The following ADGRA2 variants were observed in gnomAD, a reference collection of about 807,000 sequenced individuals.
ADGRA2 encodes the protein adhesion G protein-coupled receptor A2, also known as G-protein coupled receptor 124.
Under a neutral mutation model 98.7 loss-of-function variants are expected in ADGRA2, and 61 were observed. That is an observed-to-expected ratio of 0.62 (90% CI 0.50 to 0.76). The LOEUF is 0.76. Among genes scored for constraint, ADGRA2 ranks in the 30% least tolerant of loss-of-function variants. The pLI is 0.00. For synonymous variants in ADGRA2, 858 were observed against 831.5 expected (o/e 1.03, Z -0.55); for missense variants, 1,712 against 1,860.0 (o/e 0.92, Z 1.46).
Position 37,843,679 on chromosome 8 carries a change from A to C in ADGRA2, c.*1324A>C, listed in dbSNP as rs1212634740. ...GACAGAGGACACAGGGGAGGGGGAA[A>C]ACCCACACACACTCCTTGGAATGGG... On this transcript the variant is annotated 3_prime_UTR_variant, in exon 19 of 19. Coordinates refer to ENST00000412232, the MANE Select transcript of ADGRA2 (RefSeq NM_032777.10). 6.6e-6 allele frequency: 1 copy of C among 152,436 alleles called. No individual in the cohort carries two copies. Among genetic ancestry groups the C allele is most frequent in the Non-Finnish European group, 1.5e-5 (1 of 68,036 alleles). The allele number at this position is 152,436 out of a possible 1,614,324, so 9.4% of individuals were successfully genotyped here.
At position 37,837,751 on chromosome 8, in the gene ADGRA2, C is replaced by G; in HGVS notation, c.2071C>G (p.Leu691Val). Residue 691 changes from leucine to valine, a missense_variant, in exon 14 of 19, where the codon CTG (leucine) becomes GTG (valine). By Grantham distance (32) the Leu-to-Val change is conservative (BLOSUM62 1). Coordinates refer to ENST00000412232, the MANE Select transcript of ADGRA2 (RefSeq NM_032777.10). ...AGTSGCGVGN[L>V]TEPVAVSLRH... ...TGTAGGTGGCTGTGGCGTGGGAAACCTGACAGAGCCAGTGGCCGTTTCGCT... is the reference window on the plus strand; with the variant it reads ...TGTAGGTGGCTGTGGCGTGGGAAACGTGACAGAGCCAGTGGCCGTTTCGCT... The G allele has an allele frequency of 6.4e-7, 1 of 1,553,332 alleles. No homozygotes were observed.
intron 2 of ADGRA2, among the ~76,000 whole-genome samples, chr8:37,827,635 G>A (rs535638989): frequency 2.2e-4 from 33 of 152,320 alleles, no homozygotes; most frequent in Middle Eastern, 3.4e-3. Context: ...GGGCTCCTGC[G>A]GAGACCCATG....
rs997867916 is a variant in ADGRA2, at chr8:37,807,571, C to T, written c.267-7325C>T. ...GGCATCTCTTTGAGCCCTGGAAATG[C>T]TCAAAGGCACAGCGGCTGCAGGGGA... On this transcript the variant is annotated intron_variant, in intron 1 of 18. Transcript: ENST00000412232. Among the ~76,000 whole-genome samples the T allele has an allele frequency of 1.3e-5, 2 of 152,156 alleles. 1 individual carries two copies. The highest frequency in any genetic ancestry group is 4.8e-5 in the African/African-American group (2 of 41,442).
In ADGRA2 at chr8:37,841,579, C is replaced by T. The variant is rs376728910; in HGVS notation, c.3241C>T (p.Arg1081Cys). 4.4e-6 allele frequency: 7 copies of T among 1,590,880 alleles called. No homozygotes were observed. In the African/African-American group the frequency reaches 6.7e-5, roughly 15 times the overall value. ...ARRRDVRASWRACCPPASPAA... is the reference protein window; with the variant it reads ...ARRRDVRASWCACCPPASPAA... ...GCGGAGGGACGTGAGAGCCTCGTGG[C>T]GCGCCTGCTGCCCCCCTGCCTCTCC... The change falls in exon 19 of 19, where the codon CGC (arginine) becomes TGC (cysteine). Residue 1081 changes from arginine (R) to cysteine (C), a missense_variant. Arg to Cys is a radical substitution (Grantham distance 180, BLOSUM62 -3). Coordinates refer to ENST00000412232, the MANE Select transcript of ADGRA2 (RefSeq NM_032777.10). This position sits in a 1 kb window ranked among gnomAD's most constrained non-coding sequence, Gnocchi z 5.0.
chr8:37,829,264 T>A lies in ADGRA2; in HGVS notation c.414T>A (p.Asp138Glu), dbSNP rs769059050. 4 of 1,612,780 alleles carry A rather than the reference T, an allele frequency of 2.5e-6. No individual in the cohort carries two copies. The African/African-American group carries it at 5.4e-5, about 22-fold the overall frequency. The change falls in exon 4 of 19, where the codon GAT (aspartate) becomes GAA (glutamate). Residue 138 changes from aspartate (D) to glutamate (E), a missense_variant. Physicochemically the swap from Asp to Glu is conservative, Grantham distance 45. Transcript: ENST00000412232. The stretch of plus-strand genomic sequence containing the variant: ...GAGGTTGCCTGTGTCTCTCTAGAGA[T>A]CTCTCCAACAACCGGATTGGCTGTC... ...FLGLGELKRL[D>E]LSNNRIGCLT...
In ADGRA2 at chr8:37,842,453, C is replaced by T; in HGVS notation, c.*98C>T. The T allele has an allele frequency of 7.3e-7, 1 of 1,374,402 alleles. No individual in the cohort carries two copies. The highest frequency in any genetic ancestry group is 9.4e-7 in the Non-Finnish European group (1 of 1,063,514). 85.1% of individuals were successfully genotyped at this position (1,374,402 alleles called of 1,614,324 possible). ...GTCTCCGTAGTCAGCAGGTTGGAGG[C>T]AGAGGAGCCGATGGCTGGAGGAAGC... On this transcript the variant is annotated 3_prime_UTR_variant, in exon 19 of 19. Coordinates refer to ENST00000412232, the MANE Select transcript of ADGRA2 (RefSeq NM_032777.10).
In ADGRA2 at chr8:37,834,242, C is replaced by G; in HGVS notation, c.1608+114C>G. 9.8e-7 allele frequency: 1 copy of G among 1,020,022 alleles called. No homozygotes were observed. The highest frequency in any genetic ancestry group is 1.4e-6 in the Non-Finnish European group (1 of 709,690). The allele number at this position is 1,020,022 out of a possible 1,614,324, so 63.2% of individuals were successfully genotyped here. On this transcript the variant is annotated intron_variant, in intron 11 of 18. Coordinates refer to ENST00000412232, the MANE Select transcript of ADGRA2 (RefSeq NM_032777.10). This position sits in a 1 kb window ranked among gnomAD's most constrained non-coding sequence, Gnocchi z 4.2. ...CAAGAGCAGCAGACGTGACAAAGTT[C>G]TGAGCCATGGGGTTCACTTCCAAGT...
In ADGRA2 at chr8:37,814,450, C is replaced by T. The variant is rs1406725294; in HGVS notation, c.267-446C>T. ...CCGAGGAAGGGCAGCTCCCGCCTGC[C>T]TCCAGACCTTCTGGGCATCCTGGCC... On this transcript the variant is annotated intron_variant, in intron 1 of 18. Coordinates refer to ENST00000412232, the MANE Select transcript of ADGRA2 (RefSeq NM_032777.10). This position sits in a 1 kb window ranked among gnomAD's most constrained non-coding sequence, Gnocchi z 4.3. Among the ~76,000 whole-genome samples, 1 of 152,236 alleles carries T rather than the reference C, an allele frequency of 6.6e-6. No homozygotes were observed. Among genetic ancestry groups the T allele is most frequent in the Non-Finnish European group, 1.5e-5 (1 of 68,046 alleles).
rs11785789 is a variant in ADGRA2 at position 37,834,193 on chromosome 8, G to A, written c.1608+65G>A. On this transcript the variant is annotated intron_variant, in intron 11 of 18. Coordinates refer to ENST00000412232, the MANE Select transcript of ADGRA2 (RefSeq NM_032777.10). The surrounding 1 kb of genome is among the most constrained non-coding windows in gnomAD (Gnocchi z 4.2). Reference sequence around the variant, plus strand: ...AGGAGGGAGGCGCTCCCTCTCAGGCGTGCACCTGCCGTGCCCCAGCTAGCA... The same window carrying A: ...AGGAGGGAGGCGCTCCCTCTCAGGCATGCACCTGCCGTGCCCCAGCTAGCA... 476,735 of 1,418,912 alleles carry A rather than the reference G, an allele frequency of 0.34. 83,795 individuals are homozygous for A. The highest frequency in any genetic ancestry group is 0.58 in the East Asian group (24,697 of 42,500). The allele number at this position is 1,418,912 out of a possible 1,614,324, so 87.9% of individuals were successfully genotyped here.
chr8:37,830,900 C>A lies in ADGRA2; in HGVS notation c.909C>A (p.Ile303=), dbSNP rs1423461747. The change falls in exon 7 of 19, where the codon ATC becomes ATA. Residue 303 remains isoleucine, a synonymous_variant. Transcript: ENST00000412232. The surrounding 1 kb of genome is among the most constrained non-coding windows in gnomAD (Gnocchi z 4.8). ...QAGILLAESL[I]HDCTFITSEL... is the part of the protein sequence containing the mutation. ...GCATCCTCCTGGCCGAGAGCCTCAT[C>A]CACGACTGCACCTTCATCACCAGGT... The A allele has an allele frequency of 6.3e-7, 1 of 1,582,412 alleles. No homozygotes were observed. The highest frequency in any genetic ancestry group is 1.8e-5 in the Admixed American group (1 of 55,846).
In ADGRA2 at chr8:37,829,352, G is replaced by A. The variant is rs757964057; in HGVS notation, c.482+20G>A. 13 of 1,606,410 alleles carry A rather than the reference G, an allele frequency of 8.1e-6. No individual in the cohort carries two copies. Among genetic ancestry groups the A allele is most frequent in the Non-Finnish European group, 1.0e-5 (12 of 1,173,320 alleles). On this transcript the variant is annotated intron_variant, in intron 4 of 18. Transcript: ENST00000412232. ...CCGACTGTAAGTGATGGGGTGAGAAGTGGGGAGGGGAGGAGAGGGAAGAAG... is the reference window on the plus strand; with the variant it reads ...CCGACTGTAAGTGATGGGGTGAGAAATGGGGAGGGGAGGAGAGGGAAGAAG...
In ADGRA2 at chr8:37,840,136, C is replaced by T; in HGVS notation, c.2527C>T (p.His843Tyr). ...GACCCCGCAGGTGGGCATCACCCTG[C>T]ACTACTCCTCCCTATCCACGCTGCT... ...MVCQAVGITLHYSSLSTLLWM... is the reference protein window; with the variant it reads ...MVCQAVGITLYYSSLSTLLWM... Residue 843 changes from histidine (H) to tyrosine (Y), a missense_variant, in exon 17 of 19, where the codon CAC becomes TAC. His to Tyr is a moderately conservative substitution (Grantham distance 83). Coordinates refer to ENST00000412232, the MANE Select transcript of ADGRA2 (RefSeq NM_032777.10). 1 of 1,604,236 alleles carries T rather than the reference C, an allele frequency of 6.2e-7. No homozygotes were observed.
chr8:37,844,310 T>C lies in ADGRA2; in HGVS notation c.*1955T>C. On this transcript the variant is annotated 3_prime_UTR_variant, in exon 19 of 19. Coordinates refer to ENST00000412232, the MANE Select transcript of ADGRA2 (RefSeq NM_032777.10). ...GGATGGGAATCTCTCCTACCTATAG[T>C]CATCCCTGCACTCCTGACTTTACTC... 1 of 694,034 alleles carries C rather than the reference T, an allele frequency of 1.4e-6. No homozygotes were observed. Among genetic ancestry groups the C allele is most frequent in the Non-Finnish European group, 2.4e-6 (1 of 411,012 alleles). 43.0% of individuals were successfully genotyped at this position (694,034 alleles called of 1,614,324 possible).
At position 37,824,181 on chromosome 8, in the gene ADGRA2, G is replaced by A. The variant is rs555460019; in HGVS notation, c.339-4707G>A. 1.2e-4 allele frequency among the ~76,000 whole-genome samples: 18 copies of A among 151,738 alleles called. No individual in the cohort carries two copies. In the South Asian group the frequency reaches 2.1e-3, roughly 18 times the overall value. On this transcript the variant is annotated intron_variant, in intron 2 of 18. Coordinates refer to ENST00000412232, the MANE Select transcript of ADGRA2 (RefSeq NM_032777.10). Reference sequence around the variant, plus strand: ...TGAATAGCTGGGATTACAGGCATGCGCCACCACGCCCAGCTAATTTTTGTA... The same window carrying A: ...TGAATAGCTGGGATTACAGGCATGCACCACCACGCCCAGCTAATTTTTGTA...
Position 37,829,287 on chromosome 8 carries a change from G to T in ADGRA2, c.437G>T (p.Cys146Phe). The change falls in exon 4 of 19, where the codon TGT becomes TTT. Residue 146 changes from cysteine (C) to phenylalanine (F), a missense_variant. Cys to Phe is a radical substitution (Grantham distance 205, BLOSUM62 -2). Transcript: ENST00000412232. ...GATCTCTCCAACAACCGGATTGGCT[G>T]TCTCACCTCCGAGACCTTCCAGGGC... ...RLDLSNNRIGCLTSETFQGLP... is the reference protein window; with the variant it reads ...RLDLSNNRIGFLTSETFQGLP... 6.2e-7 allele frequency: 1 copy of T among 1,613,732 alleles called. No homozygotes were observed. Among genetic ancestry groups the T allele is most frequent in the East Asian group, 2.2e-5 (1 of 44,848 alleles).
intron 1 of ADGRA2, among the ~76,000 whole-genome samples, chr8:37,798,285 C>G (rs1804401977): frequency 6.6e-6 from 1 of 152,226 alleles, no homozygotes; most frequent in Non-Finnish European, 1.5e-5. Flanking sequence ...ATTGACTTCG[C>G]GCAAAGATTG....
In ADGRA2 at chr8:37,841,113, T is replaced by G. The variant is rs1403761464; in HGVS notation, c.2775T>G (p.Leu925=). 1.2e-6 allele frequency: 2 copies of G among 1,606,246 alleles called. No individual in the cohort carries two copies. Among genetic ancestry groups the G allele is most frequent in the Admixed American group, 1.7e-5 (1 of 59,826 alleles). ...GCTGGCTGGTGTGGCGTCCAAGCCT[T>G]GGCGCCTTCTACATCCCTGTGGCTT... is the stretch of plus-strand genomic sequence containing the variant. ...PYCWLVWRPS[L]GAFYIPVALI... Residue 925 remains leucine (L), a synonymous_variant, in exon 19 of 19, where the codon CTT becomes CTG. Coordinates refer to ENST00000412232, the MANE Select transcript of ADGRA2 (RefSeq NM_032777.10). This position sits in a 1 kb window ranked among gnomAD's most constrained non-coding sequence, Gnocchi z 5.0.
rs147453371 is a variant in ADGRA2, at chr8:37,831,426, G to T, written c.936G>T (p.Glu312Asp). The change falls in exon 8 of 19, where the codon GAG (glutamate) becomes GAT (aspartate). Residue 312 changes from glutamate (E) to aspartate (D), a missense_variant. Coordinates refer to ENST00000412232, the MANE Select transcript of ADGRA2 (RefSeq NM_032777.10). The part of the protein sequence containing the change: ...LIHDCTFITS[E>D]LTLSHIGVWA... ...CAGCTCCACCTGCCACCCGCAGTGA[G>T]CTGACGCTGTCTCACATCGGCGTGT... 2.5e-6 allele frequency: 4 copies of T among 1,610,546 alleles called. No individual in the cohort carries two copies. The highest frequency in any genetic ancestry group is 2.5e-6 in the Non-Finnish European group (3 of 1,179,972).
chr8:37,824,613 C>A (rs1251319705), intron 2 of ADGRA2, among the ~76,000 whole-genome samples: 16 of 151,710 alleles, frequency 1.1e-4, no homozygotes, highest in Admixed American at 8.5e-4. Context: ...CCTGCCTCAG[C>A]CTCCTGAATA....
Sources: allele counts gnomAD v4.1 joint callset (sites outside exome capture counted in the v4.1 genomes callset), GRCh38; gene constraint gnomAD v4.1.1; non-coding constraint Gnocchi (gnomAD v3.1); transcripts MANE v1.5; gene names NCBI Gene and HGNC (gene_info 2026-07-23, HGNC 2026-07-21).